KIAA1328: variants seen among roughly 807,000 people sequenced by gnomAD.
KIAA1328 encodes the protein KIAA1328.
A neutral mutation model predicts 68.1 loss-of-function variants in KIAA1328; 52 were observed. The ratio of observed to expected loss-of-function variants is 0.76; its 90% CI spans 0.61 to 0.96. The LOEUF (loss-of-function observed/expected upper bound fraction) is 0.96. Among genes scored for constraint, KIAA1328 ranks in the 40% least tolerant of loss-of-function variants. The probability of loss-of-function intolerance (pLI) is 0.00; values close to 1 mark genes in which losing one functional copy is unlikely to be tolerated. For missense variants in KIAA1328, 641 were observed against 677.6 expected (o/e 0.95, Z 0.60); for synonymous variants, 232 against 239.4 (o/e 0.97, Z 0.28).
intron 7 of KIAA1328, among the ~76,000 whole-genome samples, chr18:37,105,084 A>G (rs2057732592): frequency 1.3e-5 from 2 of 152,228 alleles, no homozygotes; most frequent in Admixed American, 6.5e-5. Flanking sequence ...AAATTCTTTC[A>G]ATGTCCCTTT....
At chr18:37,129,630 GAGA>G (rs764119237) in intron 7 of KIAA1328, among the ~76,000 whole-genome samples, 62 of 152,172 alleles carry the variant, frequency 4.1e-4, no homozygotes, top group Admixed American at 7.9e-4. Flanking sequence ...GGAAGAGATT[GAGA>G]AGATTAGATT....
intron 6 of KIAA1328, among the ~76,000 whole-genome samples, chr18:36,998,026 C>T (rs984159687): frequency 1.3e-5 from 2 of 152,154 alleles, no homozygotes; most frequent in African/African-American, 4.8e-5. Flanking sequence ...CCTACTTCTC[C>T]TCACCCATGT....
chr18:37,044,560 G>T (rs2055387263), intron 6 of KIAA1328, among the ~76,000 whole-genome samples: 1 of 152,100 alleles, frequency 6.6e-6, no homozygotes, highest in Non-Finnish European at 1.5e-5. Context: ...CACTTTGGGA[G>T]GCCAAGGCAG....
chr18:37,216,696 T>C (rs995014395), intron 9 of KIAA1328, among the ~76,000 whole-genome samples: 1 of 152,176 alleles, frequency 6.6e-6, no homozygotes, highest in African/African-American at 2.4e-5. Context: ...GTTAACCTGC[T>C]GTCTCGTTGA....
intron 6 of KIAA1328, among the ~76,000 whole-genome samples, chr18:36,987,516 A>T (rs12954644): frequency 7.4e-6 from 1 of 134,534 alleles, no homozygotes; most frequent in Non-Finnish European, 1.7e-5. Flanking sequence ...ATAAAAATAA[A>T]AAAATAAAAA....
chr18:36,863,170 G>A (rs527373422), intron 4 of KIAA1328, among the ~76,000 whole-genome samples: 25 of 151,570 alleles, frequency 1.6e-4, no homozygotes, highest in Admixed American at 1.6e-3. Flanking sequence ...ATTTAACTAG[G>A]TCCAGTTTTT....
At chr18:37,202,366 T>G (rs1194900591) in intron 9 of KIAA1328, among the ~76,000 whole-genome samples, 1 of 152,216 alleles carries the variant, frequency 6.6e-6, no homozygotes, top group Non-Finnish European at 1.5e-5. Flanking sequence ...CAGTTTGTTG[T>G]AGTTATTGTT....
At chr18:36,980,042 G>C (rs543902669) in intron 6 of KIAA1328, among the ~76,000 whole-genome samples, 1 of 152,168 alleles carries the variant, frequency 6.6e-6, no homozygotes, top group Non-Finnish European at 1.5e-5. Flanking sequence ...CTTCTGCCAT[G>C]TGATGACACA....
At chr18:36,832,065 G>T (rs778405397) in intron 1 of KIAA1328, among the ~76,000 whole-genome samples, 1 of 152,032 alleles carries the variant, frequency 6.6e-6, no homozygotes, top group Non-Finnish European at 1.5e-5. Context: ...TATACATTTG[G>T]TATATAATGT....
chr18:36,869,765 G>A (rs931283107), intron 4 of KIAA1328, among the ~76,000 whole-genome samples: 1 of 152,174 alleles, frequency 6.6e-6, no homozygotes, highest in African/African-American at 2.4e-5. Context: ...TATATATATG[G>A]CAATTATTTA....
intron 7 of KIAA1328, among the ~76,000 whole-genome samples, chr18:37,113,221 TTGAAA>T (rs2057990201): frequency 6.6e-6 from 1 of 151,400 alleles, no homozygotes; most frequent in South Asian, 2.1e-4. Flanking sequence ...TTCACCAAAG[TTGAAA>T]TGAAGAAAAA....
intron 8 of KIAA1328, among the ~76,000 whole-genome samples, chr18:37,172,728 T>C (rs1012739726): frequency 3.9e-5 from 6 of 152,246 alleles, no homozygotes; most frequent in African/African-American, 1.2e-4. Flanking sequence ...GGCAATCAGG[T>C]TTAAAAACAA....
At chr18:37,102,263 G>A (rs1161324099) in intron 7 of KIAA1328, among the ~76,000 whole-genome samples, 3 of 152,052 alleles carry the variant, frequency 2.0e-5, no homozygotes, top group African/African-American at 7.2e-5. Flanking sequence ...AACATACTGG[G>A]GCCTGTCAGG....
At chr18:36,930,067 C>A (rs2050257340) in intron 5 of KIAA1328, among the ~76,000 whole-genome samples, 1 of 152,072 alleles carries the variant, frequency 6.6e-6, no homozygotes, top group Non-Finnish European at 1.5e-5. Flanking sequence ...TTCTTGTAAG[C>A]CACTGGTAGA....
intron 3 of KIAA1328, among the ~76,000 whole-genome samples, chr18:36,843,846 C>G (rs552214590): frequency 2.0e-4 from 30 of 152,248 alleles, no homozygotes; most frequent in African/African-American, 5.3e-4. Flanking sequence ...TGCTAATCTT[C>G]GTATACCCTT....
intron 7 of KIAA1328, among the ~76,000 whole-genome samples, chr18:37,117,643 T>C (rs1490374100): frequency 6.6e-6 from 1 of 151,912 alleles, no homozygotes; most frequent in Non-Finnish European, 1.5e-5. Context: ...AAAGTATTAT[T>C]TAAAAAAAAA....
chr18:36,837,831 TA>T lies in KIAA1328; in HGVS notation c.237+2462del, dbSNP rs201472402. ...ATCCAGTTGTCCCAGCACCATTTGT[TA>T]AAAAAACTGTCCTTTCCCCTTTGAA... On this transcript the variant is annotated intron_variant, in intron 3 of 9. Transcript: ENST00000280020. Among the ~76,000 whole-genome samples the T allele has an allele frequency of 7.0e-3, 1,070 of 152,250 alleles. 20 individuals are homozygous for T. In the East Asian group the frequency reaches 0.073, roughly 10 times the overall value.
chr18:37,220,153 A>T (rs1487067575), intron 9 of KIAA1328, among the ~76,000 whole-genome samples: 3 of 152,214 alleles, frequency 2.0e-5, no homozygotes, highest in Non-Finnish European at 2.9e-5. Flanking sequence ...TTTTCTAAAA[A>T]GATTTAACTC....
intron 5 of KIAA1328, among the ~76,000 whole-genome samples, chr18:36,931,891 T>C (rs192860131): frequency 6.6e-6 from 1 of 152,222 alleles, no homozygotes; most frequent in Admixed American, 6.5e-5. Context: ...ATGCTTTATA[T>C]GTTCTCTGTA....
Sources: allele counts gnomAD v4.1 joint callset (sites outside exome capture counted in the v4.1 genomes callset), GRCh38; gene constraint gnomAD v4.1.1; transcripts MANE v1.5; gene names NCBI Gene and HGNC (gene_info 2026-07-23, HGNC 2026-07-21).